The following IL18 variants were observed in gnomAD, a reference collection of about 807,000 sequenced individuals.
IL18 encodes interleukin 18, also known as interleukin-18.
Under a neutral mutation model 14.2 loss-of-function variants are expected in IL18, and 8 were observed. That is an observed-to-expected ratio of 0.56 (90% CI 0.33 to 1.01). IL18 has a LOEUF of 1.01. Among genes scored for constraint, IL18 ranks in the 50% least tolerant of loss-of-function variants. IL18 has a pLI of 0.03. For missense variants in IL18, 166 were observed against 231.1 expected, an observed-to-expected ratio of 0.72 and a Z score of 1.83; for synonymous variants, 67 against 71.0, an observed-to-expected ratio of 0.94 and a Z score of 0.28.
In IL18 at chr11:112,162,907, T is replaced by A. The variant is rs529428589; in HGVS notation, c.-9+999A>T. The stretch of plus-strand genomic sequence containing the variant: ...TCCTGGGCTCAAGCAGTCCTCAGCA[T>A]CCTGAGTAGTTCTACAGGCATGCAC... On this transcript the variant is annotated intron_variant, in intron 1 of 5. Transcript: ENST00000280357. Among the ~76,000 whole-genome samples, 3 of 152,324 alleles carry A rather than the reference T, an allele frequency of 2.0e-5. No homozygotes were observed. The South Asian group carries it at 6.2e-4, about 32-fold the overall frequency.
chr11:112,148,479 G>T (rs1247349495), intron 5 of IL18, 124 bp downstream of exon 5: 1 of 419,476 alleles, frequency 2.4e-6, no homozygotes, highest in Non-Finnish European at 4.0e-6. Context: ...TAGACAAAAG[G>T]TTGGTCTGAG....
intron 3 of IL18, among the ~76,000 whole-genome samples, chr11:112,151,847 T>C (rs1713618426): frequency 6.6e-6 from 1 of 152,214 alleles, no homozygotes; most frequent in Non-Finnish European, 1.5e-5. Context: ...TTTTTCTTCT[T>C]CCCTTTTGGT....
At chr11:112,163,593 C>CTT (rs34269466) in intron 1 of IL18, among the ~76,000 whole-genome samples, 17 of 150,952 alleles carry the variant, frequency 1.1e-4, no homozygotes, top group Admixed American at 3.3e-4. Context: ...ACTCTTTATG[C>CTT]TTTTTTTTTG....
intron 1 of IL18, among the ~76,000 whole-genome samples, chr11:112,160,659 T>C (rs1344145304): frequency 6.6e-6 from 1 of 152,182 alleles, no homozygotes; most frequent in African/African-American, 2.4e-5. Context: ...CTTGTTGCCA[T>C]GACAACAGCG....
chr11:112,154,344 G>A (rs1866496439), intron 2 of IL18, among the ~76,000 whole-genome samples: 1 of 151,916 alleles, frequency 6.6e-6, no homozygotes, highest in Non-Finnish European at 1.5e-5. Flanking sequence ...GGACAACATG[G>A]CAAAACCCTG....
rs71060226 is a variant in IL18, at chr11:112,158,521, G to GTTTTTTT, written c.-8-3467_-8-3461dup. Reference sequence around the variant, plus strand: ...CTTGGTTTCAACATATTTATTTGGAGTTTTTTTTTTTTTGCACAGCAGTAA... The same window carrying GTTTTTTT: ...CTTGGTTTCAACATATTTATTTGGAGTTTTTTTTTTTTTTTTTTTTGCACAGCAGTAA... On this transcript the variant is annotated intron_variant, in intron 1 of 5. Transcript: ENST00000280357. Among the ~76,000 whole-genome samples the GTTTTTTT allele has an allele frequency of 5.7e-5, 6 of 104,980 alleles. 1 individual carries two copies. The highest frequency in any genetic ancestry group is 9.2e-5 in the Non-Finnish European group (5 of 54,374). 68.9% of individuals were successfully genotyped at this position (104,980 alleles called of 152,430 possible). A position where few individuals can be genotyped will look rare whatever the true frequency, so the allele number is the denominator to read the frequency against.
At chr11:112,148,867 A>T in intron 4 of IL18, 131 bp from the exon 5 acceptor site, 1 of 471,270 alleles carries the variant, frequency 2.1e-6, no homozygotes, top group Non-Finnish European at 3.6e-6. Flanking sequence ...TCTGCAGGAG[A>T]CTATGTACAG....
At chr11:112,155,902 A>G (rs1866523078) in intron 1 of IL18, among the ~76,000 whole-genome samples, 1 of 152,214 alleles carries the variant, frequency 6.6e-6, no homozygotes, top group Non-Finnish European at 1.5e-5. Flanking sequence ...GATTAGTTGC[A>G]GGAAACAAAC....
intron 3 of IL18, among the ~76,000 whole-genome samples, chr11:112,151,731 T>C (rs1866442254): frequency 6.6e-6 from 1 of 152,194 alleles, no homozygotes; most frequent in African/African-American, 2.4e-5. Context: ...TTGCTAAATC[T>C]AAAAGCTGTG....
chr11:112,146,424 G>A (rs1866344074), intron 5 of IL18, among the ~76,000 whole-genome samples: 1 of 152,132 alleles, frequency 6.6e-6, no homozygotes, highest in South Asian at 2.1e-4. Flanking sequence ...GGTTTCAAGC[G>A]ATTCTTCTGC....
At chr11:112,150,826 T>C (rs534633003) in intron 3 of IL18, 1 of 152,380 alleles carries the variant, frequency 6.6e-6, no homozygotes, top group African/African-American at 2.4e-5. Context: ...CTTCAGGACC[T>C]CTACACCATC....
rs756489946 is a variant in IL18 at position 112,150,258 on chromosome 11, G to T, written c.92-52C>A. 8 of 1,212,204 alleles carry T rather than the reference G, an allele frequency of 6.6e-6. No homozygotes were observed. In the African/African-American group the frequency reaches 1.1e-4, roughly 16 times the overall value. The allele number at this position is 1,212,204 out of a possible 1,614,324, so 75.1% of individuals were successfully genotyped here. A position where few individuals can be genotyped will look rare whatever the true frequency, so the allele number is the denominator to read the frequency against. ...AAAATACATAGTTTCTTTGTTAATT[G>T]ACAAATAAGTATGCTATATATTTTA... On this transcript the variant is annotated intron_variant, in intron 3 of 5. Transcript: ENST00000280357.
intron 5 of IL18, among the ~76,000 whole-genome samples, chr11:112,148,140 A>T (rs2135310788): frequency 6.6e-6 from 1 of 152,372 alleles, no homozygotes; most frequent in Admixed American, 6.5e-5. Flanking sequence ...TAGGCTAAGG[A>T]TCAGCAACAA....
chr11:112,143,550 G>T lies in IL18; in HGVS notation c.*46C>A. On this transcript the variant is annotated 3_prime_UTR_variant, in exon 6 of 6. Coordinates refer to ENST00000280357, the MANE Select transcript of IL18 (RefSeq NM_001562.4). ...GCCCGCCTCAGCCTCCCAAAGGGCT[G>T]GGATTACAGGCGTGAGCCACTGCGC... The T allele has an allele frequency of 7.6e-7, 1 of 1,322,462 alleles. No homozygotes were observed. 81.9% of individuals were successfully genotyped at this position (1,322,462 alleles called of 1,614,324 possible). A position where few individuals can be genotyped will look rare whatever the true frequency, so the allele number is the denominator to read the frequency against.
intron 5 of IL18, among the ~76,000 whole-genome samples, chr11:112,147,554 G>A (rs1279006620): frequency 6.6e-6 from 1 of 152,144 alleles, no homozygotes; most frequent in East Asian, 1.9e-4. Context: ...TGATAACTAA[G>A]CTGCCTGTCA....
chr11:112,148,656 T>C lies in IL18; in HGVS notation c.307A>G (p.Lys103Glu). 6.6e-7 allele frequency: 1 copy of C among 1,519,450 alleles called. No homozygotes were observed. 94.1% of individuals were successfully genotyped at this position (1,519,450 alleles called of 1,614,324 possible). The change falls in exon 5 of 6, where the codon AAG (lysine) becomes GAG (glutamate). Residue 103 changes from lysine to glutamate, a missense_variant. Physicochemically the swap from Lys to Glu is moderately conservative, Grantham distance 56 (BLOSUM62 1). Coordinates refer to ENST00000280357, the MANE Select transcript of IL18 (RefSeq NM_001562.4). ...PRGMAVTISV[K>E]CEKISTLSCE... ...GAGAGAGTTGAAATTTTCTCACACT[T>C]CACAGAGATAGTTACAGCCATACCT...
intron 1 of IL18, among the ~76,000 whole-genome samples, chr11:112,160,312 CT>C (rs56345155): frequency 6.6e-4 from 91 of 137,958 alleles, no homozygotes; most frequent in Non-Finnish European, 7.5e-4. Context: ...CTTCCCCTGC[CT>C]TTTTTTTTTT....
intron 1 of IL18, among the ~76,000 whole-genome samples, chr11:112,159,029 AAAACT>A (rs1363736896): frequency 5.2e-5 from 2 of 38,206 alleles, no homozygotes; most frequent in Non-Finnish European, 1.4e-4. Flanking sequence ...TTGTGTTTTA[AAAACT>A]CAACTCACTC....
At chr11:112,160,879 C>A (rs971498311) in intron 1 of IL18, among the ~76,000 whole-genome samples, 4 of 151,970 alleles carry the variant, frequency 2.6e-5, no homozygotes, top group African/African-American at 9.7e-5. Context: ...TATTTTCTTA[C>A]AATTCTTCTT....
Sources: allele counts gnomAD v4.1 joint callset (sites outside exome capture counted in the v4.1 genomes callset), GRCh38; gene constraint gnomAD v4.1.1; transcripts MANE v1.5; gene names NCBI Gene and HGNC (gene_info 2026-07-23, HGNC 2026-07-21).